Variants in EPB41L2 observed in about 807,000 individuals in gnomAD.
The protein encoded by EPB41L2 is erythrocyte membrane protein band 4.1 like 2.
In EPB41L2, 43 loss-of-function variants were observed where a neutral mutation model predicts 113.0. The ratio of observed to expected loss-of-function variants is 0.38; its 90% CI spans 0.30 to 0.49. EPB41L2 has a LOEUF of 0.49. Ranked by LOEUF, EPB41L2 falls within the 20% of genes least tolerant of loss-of-function variation. The pLI is 0.95. For missense variants in EPB41L2, 1,147 were observed against 1,223.4 expected (o/e 0.94, Z 0.93); for synonymous variants, 442 against 436.7 (o/e 1.01, Z -0.15).
chr6:131,054,509 ATCTC>A (rs772883919), intron 1 of EPB41L2, among the ~76,000 whole-genome samples: 1 of 152,012 alleles, frequency 6.6e-6, no homozygotes, highest in Non-Finnish European at 1.5e-5. Flanking sequence ...ATCTGTCTCT[ATCTC>A]TATTTATCCC....
At chr6:130,933,110 A>G (rs1807480052) in intron 3 of EPB41L2, among the ~76,000 whole-genome samples, 1 of 152,228 alleles carries the variant, frequency 6.6e-6, no homozygotes, top group East Asian at 1.9e-4. Context: ...TCTTAAGAGT[A>G]GGCCATACCT....
intron 3 of EPB41L2, among the ~76,000 whole-genome samples, chr6:130,934,508 T>A (rs1211404474): frequency 6.6e-6 from 1 of 152,186 alleles, no homozygotes; most frequent in African/African-American, 2.4e-5. Context: ...GGTCTTGCTC[T>A]GTTGCTGAGC....
At chr6:130,897,524 T>A (rs1363694659) in intron 8 of EPB41L2, among the ~76,000 whole-genome samples, 1 of 152,184 alleles carries the variant, frequency 6.6e-6, no homozygotes, top group Non-Finnish European at 1.5e-5. Context: ...CCTGAAACCT[T>A]ACATACAGCA....
intron 3 of EPB41L2, among the ~76,000 whole-genome samples, chr6:130,930,252 T>C (rs1041466786): frequency 3.3e-5 from 5 of 152,254 alleles, no homozygotes; most frequent in Admixed American, 2.6e-4. Context: ...TAATACAACA[T>C]TTACTAATGT....
At position 130,954,040 on chromosome 6, in the gene EPB41L2, C is replaced by CTTTTTTTTTTTTTTTTTT. The variant is rs780758511; in HGVS notation, c.705+1047_705+1064dup. Among the ~76,000 whole-genome samples, 207 of 58,864 alleles carry CTTTTTTTTTTTTTTTTTT rather than the reference C, an allele frequency of 3.5e-3. 29 individuals carry two copies. The highest frequency in any genetic ancestry group is 4.6e-3 in the South Asian group (5 of 1,082). The allele number at this position is 58,864 out of a possible 152,430, so 38.6% of individuals were successfully genotyped here. ...TCCTCTTTTGCTAGTCCTTTTCTTT[C>CTTTTTTTTTTTTTTTTTT]TTTTTTTTTTTTTTTTTTTTTTTTT... On this transcript the variant is annotated intron_variant, in intron 3 of 19. Transcript: ENST00000337057.
chr6:130,890,220 T>C (rs879496825), intron 11 of EPB41L2, 74 bp downstream of exon 11: 2 of 1,447,804 alleles, frequency 1.4e-6, no homozygotes, highest in Non-Finnish European at 1.8e-6. Flanking sequence ...CTTTATTAAC[T>C]GGATTAACAT....
At chr6:130,894,009 A>C (rs1428098216) in intron 10 of EPB41L2, among the ~76,000 whole-genome samples, 1 of 152,142 alleles carries the variant, frequency 6.6e-6, no homozygotes, top group Non-Finnish European at 1.5e-5. Flanking sequence ...CAGCTCAGTT[A>C]TAAATGACAA....
intron 3 of EPB41L2, among the ~76,000 whole-genome samples, chr6:130,937,821 G>GAAAAAA (rs66505919): frequency 1.9e-4 from 25 of 129,852 alleles, no homozygotes; most frequent in African/African-American, 7.8e-4. Flanking sequence ...ATCTCAAAAA[G>GAAAAAA]AAAAAAAAAA....
At chr6:130,946,004 T>A (rs532054888) in intron 3 of EPB41L2, among the ~76,000 whole-genome samples, 21 of 152,142 alleles carry the variant, frequency 1.4e-4, no homozygotes, top group Non-Finnish European at 2.9e-4. Flanking sequence ...GCACATACCA[T>A]TTAAATATCT....
intron 1 of EPB41L2, among the ~76,000 whole-genome samples, chr6:131,008,709 G>C (rs1786202269): frequency 6.6e-6 from 1 of 152,236 alleles, no homozygotes. Context: ...CCCAACTCTT[G>C]CATCATGATC....
intron 1 of EPB41L2, among the ~76,000 whole-genome samples, chr6:130,962,860 A>G (rs1773943838): frequency 6.6e-6 from 1 of 152,132 alleles, no homozygotes; most frequent in African/African-American, 2.4e-5. Context: ...GGTCTAGGGC[A>G]ATCATGGTAG....
chr6:130,926,238 T>A (rs553690427), intron 4 of EPB41L2, among the ~76,000 whole-genome samples: 1 of 152,308 alleles, frequency 6.6e-6, no homozygotes, highest in East Asian at 1.9e-4. Context: ...CTTCTTTACT[T>A]ATTTAGTACC....
intron 18 of EPB41L2, among the ~76,000 whole-genome samples, chr6:130,861,899 A>G (rs558906755): frequency 7.0e-6 from 1 of 142,656 alleles, no homozygotes; most frequent in African/African-American, 2.5e-5. Context: ...AGTTTATGCT[A>G]TCTCACAAAC....
At chr6:130,927,783 C>T (rs1805258161) in intron 3 of EPB41L2, among the ~76,000 whole-genome samples, 1 of 152,186 alleles carries the variant, frequency 6.6e-6, no homozygotes, top group African/African-American at 2.4e-5. Flanking sequence ...ACACAGATAA[C>T]ATTATTTCAA....
At chr6:130,988,250 T>C (rs923486080) in intron 1 of EPB41L2, among the ~76,000 whole-genome samples, 2 of 152,034 alleles carry the variant, frequency 1.3e-5, no homozygotes, top group African/African-American at 4.8e-5. Context: ...GAAGAATAAC[T>C]AAAAAATAAT....
At chr6:131,062,818 G>C (rs974660267) in intron 1 of EPB41L2, among the ~76,000 whole-genome samples, 5 of 151,892 alleles carry the variant, frequency 3.3e-5, no homozygotes, top group African/African-American at 9.7e-5. Flanking sequence ...TGGCTCCGCC[G>C]GGACGCGGCC....
At chr6:130,926,525 A>T in intron 4 of EPB41L2, 80 bp downstream of exon 4, 1 of 1,065,932 alleles carries the variant, frequency 9.4e-7, no homozygotes, top group Non-Finnish European at 1.4e-6. Context: ...TTTAAAGCTA[A>T]ATTTTAAACT....
chr6:130,910,168 T>TA, intron 4 of EPB41L2, among the ~76,000 whole-genome samples: 1 of 152,276 alleles, frequency 6.6e-6, no homozygotes, highest in South Asian at 2.1e-4. Context: ...ATGGTACTGG[T>TA]ACCAAAACAG....
chr6:131,003,187 G>A (rs1388932936), intron 1 of EPB41L2, among the ~76,000 whole-genome samples: 1 of 152,006 alleles, frequency 6.6e-6, no homozygotes, highest in African/African-American at 2.4e-5. Flanking sequence ...AACACTGAGT[G>A]AAAAATGACA....
Sources: gnomAD v4.1 joint callset for allele counts (sites outside exome capture counted in the v4.1 genomes callset) on GRCh38, gnomAD v4.1.1 for gene constraint, MANE v1.5 for transcripts, NCBI Gene and HGNC (gene_info 2026-07-23, HGNC 2026-07-21) for gene names.